Variants in CSMD3 observed in about 807,000 individuals in gnomAD.
The protein encoded by CSMD3 is CUB and Sushi multiple domains 3.
Under a neutral mutation model 435.2 loss-of-function variants are expected in CSMD3, and 177 were observed. The observed-to-expected ratio is 0.41, with a 90% confidence interval of 0.36 to 0.46. The LOEUF is 0.46. Among genes scored for constraint, CSMD3 ranks in the 20% least tolerant of loss-of-function variants. The pLI, the probability that CSMD3 is intolerant of heterozygous loss-of-function variation, is 0.34. For synonymous variants in CSMD3, 1,656 were observed against 1,520.5 expected (o/e 1.09, Z -2.07); for missense variants, 4,265 against 4,504.6 (o/e 0.95, Z 1.52).
chr8:113,313,040 T>A (rs1219162830), intron 2 of CSMD3: 1 of 152,224 alleles, frequency 6.6e-6, no homozygotes, highest in Non-Finnish European at 1.5e-5. Context: ...AAGTGTCATC[T>A]GACTGGAAGC....
intron 40 of CSMD3, among the ~76,000 whole-genome samples, chr8:112,350,438 A>C (rs1364379331): frequency 1.3e-5 from 2 of 152,056 alleles, no homozygotes; most frequent in Admixed American, 1.3e-4. Context: ...CACTTTTCTG[A>C]AATTCCATCA....
At chr8:112,411,252 C>T (rs1206182786) in intron 32 of CSMD3, among the ~76,000 whole-genome samples, 3 of 151,450 alleles carry the variant, frequency 2.0e-5, no homozygotes, top group Non-Finnish European at 2.9e-5. Flanking sequence ...ATTAACCCCA[C>T]ATTTTTGTAT....
intron 3 of CSMD3, among the ~76,000 whole-genome samples, chr8:113,188,567 A>T (rs111595101): frequency 0.013 from 2,036 of 152,020 alleles, 27 homozygotes; most frequent in Middle Eastern, 0.048. Context: ...ATAAATCTTG[A>T]TTATTTTGCC....
intron 4 of CSMD3, among the ~76,000 whole-genome samples, chr8:113,147,921 T>G (rs942803538): frequency 6.6e-6 from 1 of 151,728 alleles, no homozygotes; most frequent in African/African-American, 2.4e-5. Flanking sequence ...CACTAGTGTC[T>G]CTTGTTTAGA....
chr8:112,992,816 T>C (rs1418611082), intron 6 of CSMD3, among the ~76,000 whole-genome samples: 1 of 151,546 alleles, frequency 6.6e-6, no homozygotes, highest in African/African-American at 2.4e-5. Flanking sequence ...TGTATGTGCC[T>C]CTGTGTGTGT....
chr8:112,824,582 TA>T (rs1247844992), intron 12 of CSMD3, among the ~76,000 whole-genome samples: 2 of 152,184 alleles, frequency 1.3e-5, no homozygotes, highest in Admixed American at 1.3e-4. Flanking sequence ...TGGCTGGAAA[TA>T]AAATTCTGGA....
chr8:112,763,715 T>C (rs1016433521), intron 13 of CSMD3, among the ~76,000 whole-genome samples: 2 of 150,694 alleles, frequency 1.3e-5, no homozygotes, highest in Non-Finnish European at 3.0e-5. Flanking sequence ...ATTTTATTTA[T>C]TGAGCTTTGC....
chr8:113,222,515 T>A (rs17607317), intron 3 of CSMD3, among the ~76,000 whole-genome samples: 15,675 of 150,976 alleles, frequency 0.1, 953 homozygotes, highest in Middle Eastern at 0.17. Flanking sequence ...ACGTAACACA[T>A]TTTCAAAGTA....
intron 50 of CSMD3, 135 bp from the exon 51 acceptor site, chr8:112,306,327 C>G: frequency 1.4e-6 from 1 of 701,624 alleles, no homozygotes; most frequent in Admixed American, 2.3e-5. Context: ...CTCAGAATCA[C>G]AGAAATACTT....
chr8:112,233,953 T>C (rs941267468), intron 68 of CSMD3, among the ~76,000 whole-genome samples: 4 of 152,204 alleles, frequency 2.6e-5, no homozygotes, highest in Non-Finnish European at 4.4e-5. Context: ...TTTGTAAATA[T>C]GTTGCATATT....
Position 113,158,334 on chromosome 8 carries a change from G to A in CSMD3, c.709+15388C>T, listed in dbSNP as rs571612807. Among the ~76,000 whole-genome samples the A allele has an allele frequency of 1.2e-4, 19 of 152,068 alleles. No individual in the cohort carries two copies. The South Asian group carries it at 3.1e-3, about 25-fold the overall frequency. On this transcript the variant is annotated intron_variant, in intron 4 of 70. Transcript: ENST00000297405. Reference sequence around the variant, plus strand: ...AAATATGAACCACATATATGATAACGGAAGGTCCTCCATGCATGTATGATA... The same window carrying A: ...AAATATGAACCACATATATGATAACAGAAGGTCCTCCATGCATGTATGATA...
At chr8:112,356,404 G>C (rs1437915741) in intron 38 of CSMD3, among the ~76,000 whole-genome samples, 1 of 152,080 alleles carries the variant, frequency 6.6e-6, no homozygotes, top group East Asian at 1.9e-4. Flanking sequence ...ATTAATGCAG[G>C]CATAAAAAAC....
At chr8:112,763,643 T>C (rs2077899669) in intron 13 of CSMD3, among the ~76,000 whole-genome samples, 1 of 149,164 alleles carries the variant, frequency 6.7e-6, no homozygotes, top group South Asian at 2.1e-4. Context: ...TGAAACTATA[T>C]TATTATATGT....
chr8:113,176,775 G>C (rs891288504), intron 3 of CSMD3, among the ~76,000 whole-genome samples: 2 of 151,698 alleles, frequency 1.3e-5, no homozygotes, highest in Non-Finnish European at 2.9e-5. Flanking sequence ...GAGTATTAGG[G>C]AAAAGAGCTA....
At chr8:112,336,871 CA>C (rs1824618883) in intron 43 of CSMD3, 42 bp from the exon 44 acceptor site, 1 of 1,502,262 alleles carries the variant, frequency 6.7e-7, no homozygotes, top group South Asian at 1.1e-5. Flanking sequence ...TTTAAAATAA[CA>C]ATAAACTGAC....
chr8:113,311,176 T>A (rs952202573), intron 2 of CSMD3: 4 of 152,074 alleles, frequency 2.6e-5, no homozygotes, highest in Non-Finnish European at 5.9e-5. Flanking sequence ...ATAACCTTTA[T>A]GCTTCCAGCA....
intron 13 of CSMD3, among the ~76,000 whole-genome samples, chr8:112,764,177 A>G (rs1003922883): frequency 6.6e-6 from 1 of 151,578 alleles, no homozygotes; most frequent in African/African-American, 2.4e-5. Context: ...TTTTAGAAAT[A>G]CATCCATGGC....
chr8:112,950,478 C>T (rs1433332903), intron 8 of CSMD3, among the ~76,000 whole-genome samples: 2 of 151,662 alleles, frequency 1.3e-5, no homozygotes, highest in Non-Finnish European at 2.9e-5. Context: ...TAAGAAAAAT[C>T]CCATTTTTTA....
At chr8:112,284,581 C>A (rs1203595409) in intron 58 of CSMD3, among the ~76,000 whole-genome samples, 1 of 151,650 alleles carries the variant, frequency 6.6e-6, no homozygotes, top group Non-Finnish European at 1.5e-5. Context: ...ATTGACTATA[C>A]TCTATTAGAT....
Sources: allele counts gnomAD v4.1 joint callset (sites outside exome capture counted in the v4.1 genomes callset), GRCh38; gene constraint gnomAD v4.1.1; transcripts MANE v1.5; gene names NCBI Gene and HGNC (gene_info 2026-07-23, HGNC 2026-07-21).